Variants in PLCE1 observed in about 807,000 individuals in gnomAD.
PLCE1 encodes the protein 1-phosphatidylinositol 4,5-bisphosphate phosphodiesterase epsilon-1.
Under a neutral mutation model 242.8 loss-of-function variants are expected in PLCE1, and 119 were observed. The observed-to-expected ratio is 0.49, with a 90% CI of 0.42 to 0.57. The LOEUF (loss-of-function observed/expected upper bound fraction) is 0.57. Ranked by LOEUF, PLCE1 falls within the 20% of genes least tolerant of loss-of-function variation. PLCE1 has a pLI of 0.00. For synonymous variants in PLCE1, 945 were observed against 1,017.4 expected, an observed-to-expected ratio of 0.93 and a Z score of 1.35; for missense variants, 2,441 against 2,788.8, an observed-to-expected ratio of 0.88 and a Z score of 2.81.
chr10:94,311,629 C>T (rs1222292584), intron 27 of PLCE1, among the ~76,000 whole-genome samples: 1 of 152,172 alleles, frequency 6.6e-6, no homozygotes, highest in Admixed American at 6.5e-5. Context: ...TAGTATCTTT[C>T]AAATCCATTC....
intron 4 of PLCE1, among the ~76,000 whole-genome samples, chr10:94,175,046 C>T (rs2048089072): frequency 6.6e-6 from 1 of 152,072 alleles, no homozygotes; most frequent in Admixed American, 6.6e-5. Context: ...TCTAAAATTA[C>T]TTCAAAATAA....
chr10:94,243,197 G>A (rs1265603577), intron 7 of PLCE1, among the ~76,000 whole-genome samples: 1 of 152,100 alleles, frequency 6.6e-6, no homozygotes, highest in Non-Finnish European at 1.5e-5. Context: ...GATGTGATAA[G>A]AATGATACTT....
At chr10:94,294,909 CTTTTTTTTTTT>C (rs766555881) in intron 23 of PLCE1, among the ~76,000 whole-genome samples, 1 of 101,494 alleles carries the variant, frequency 9.9e-6, no homozygotes, top group African/African-American at 3.9e-5. Flanking sequence ...CATGATAGAA[CTTTTTTTTTTT>C]TTTTTTTTTT....
At chr10:94,145,635 C>G (rs1260201953) in intron 3 of PLCE1, among the ~76,000 whole-genome samples, 1 of 152,276 alleles carries the variant, frequency 6.6e-6, no homozygotes, top group South Asian at 2.1e-4. Context: ...CTAACCCCCA[C>G]AAGATGAGAC....
intron 15 of PLCE1, 35 bp from the exon 16 acceptor site, chr10:94,265,758 T>C: frequency 6.2e-7 from 1 of 1,613,682 alleles, no homozygotes; most frequent in Non-Finnish European, 8.5e-7. Flanking sequence ...GATGCATTTT[T>C]CCCATGCAGT....
intron 2 of PLCE1, among the ~76,000 whole-genome samples, chr10:94,034,847 T>G (rs774445541): frequency 1.8e-4 from 27 of 152,188 alleles, no homozygotes; most frequent in Non-Finnish European, 3.7e-4. Context: ...CTCTTTGCTT[T>G]TTGATCAGGA....
chr10:94,071,505 T>TG (rs1554848901), intron 2 of PLCE1, among the ~76,000 whole-genome samples: 1 of 132,566 alleles, frequency 7.5e-6, no homozygotes, highest in Non-Finnish European at 1.6e-5. Flanking sequence ...GTTTTTTTTT[T>TG]TTTTTTTTTT....
chr10:94,021,345 G>C (rs191122359), intron 1 of PLCE1, among the ~76,000 whole-genome samples: 2 of 150,804 alleles, frequency 1.3e-5, no homozygotes, highest in African/African-American at 4.9e-5. Context: ...TGTATCCCAA[G>C]GTCTTGAATA....
In PLCE1 at chr10:94,139,406, A is replaced by G. The variant is rs79800915; in HGVS notation, c.1492+6947A>G. The G allele has an allele frequency of 3.0e-3, 500 of 164,960 alleles. 4 individuals carry two copies. Among genetic ancestry groups the G allele is most frequent in the Non-Finnish European group, 4.0e-3 (285 of 70,486 alleles). 10.2% of individuals were successfully genotyped at this position (164,960 alleles called of 1,614,324 possible). ...AAAAAGCCAAGTGGGTCTAAACAGGATGAAAGAGAGAAAGACCCAGAAGAG... is the reference window on the plus strand; with the variant it reads ...AAAAAGCCAAGTGGGTCTAAACAGGGTGAAAGAGAGAAAGACCCAGAAGAG... On this transcript the variant is annotated intron_variant, in intron 3 of 32. Coordinates refer to ENST00000371380, the MANE Select transcript of PLCE1 (RefSeq NM_016341.4).
At chr10:94,253,601 T>G (rs2050959213) in intron 9 of PLCE1, among the ~76,000 whole-genome samples, 1 of 152,106 alleles carries the variant, frequency 6.6e-6, no homozygotes. Flanking sequence ...GTAATCCTAT[T>G]GTCTCAGCCT....
chr10:94,173,765 A>G (rs1296156142), intron 4 of PLCE1, among the ~76,000 whole-genome samples: 3 of 152,200 alleles, frequency 2.0e-5, no homozygotes, highest in African/African-American at 7.2e-5. Context: ...CAGAACGTAA[A>G]CAAGATTTCT....
intron 3 of PLCE1, among the ~76,000 whole-genome samples, chr10:94,170,267 C>T (rs745859181): frequency 6.6e-6 from 1 of 151,700 alleles, no homozygotes; most frequent in Non-Finnish European, 1.5e-5. Flanking sequence ...CTTGTAAATG[C>T]CAGTATTCCA....
At chr10:94,092,229 T>C (rs1423266753) in intron 2 of PLCE1, among the ~76,000 whole-genome samples, 3 of 152,264 alleles carry the variant, frequency 2.0e-5, no homozygotes, top group Admixed American at 2.0e-4. Flanking sequence ...AAACACAAAA[T>C]ATGACAGGAT....
intron 2 of PLCE1, among the ~76,000 whole-genome samples, chr10:94,066,881 C>A (rs966357023): frequency 6.6e-6 from 1 of 152,234 alleles, no homozygotes; most frequent in Non-Finnish European, 1.5e-5. Context: ...CCCATACCCA[C>A]AATGGTATTC....
At position 94,263,182 on chromosome 10, in the gene PLCE1, G is replaced by GT. The variant is rs199605955; in HGVS notation, c.4053+457dup. Among the ~76,000 whole-genome samples, 176 of 151,184 alleles carry GT rather than the reference G, an allele frequency of 1.2e-3. 1 individual carries two copies. Among genetic ancestry groups the GT allele is most frequent in the East Asian group, 0.011 (53 of 5,000 alleles). ...ACTGCGCCCGACCTTGTTTTGTTTT[G>GT]TTTTTTTAACAAAATACCAAGTATG... On this transcript the variant is annotated intron_variant, in intron 14 of 32. Coordinates refer to ENST00000371380, the MANE Select transcript of PLCE1 (RefSeq NM_016341.4).
rs1564873908 is a variant in PLCE1, at chr10:94,298,381, TC to T, written c.5172del (p.Cys1725ValfsTer36). ...ASFNKTSGKS[S>X]CEGIRQTWEE... Reference sequence around the variant, plus strand: ...GGCTAATTTCTTGGGGGGTTTAGGTTCCTGTGAAGGCATTCGACAGACCTGG... The same window carrying T: ...GGCTAATTTCTTGGGGGGTTTAGGTTCTGTGAAGGCATTCGACAGACCTGG... On this transcript the variant is annotated frameshift_variant, in exon 24 of 33. Transcript: ENST00000371380. LOFTEE classifies it high-confidence loss of function. The surrounding 1 kb of genome is among the most constrained non-coding windows in gnomAD (Gnocchi z 5.2). The T allele has an allele frequency of 6.2e-7, 1 of 1,613,990 alleles. No homozygotes were observed. Among genetic ancestry groups the T allele is most frequent in the Admixed American group, 1.7e-5 (1 of 60,002 alleles).
intron 4 of PLCE1, among the ~76,000 whole-genome samples, chr10:94,202,421 T>G (rs548443960): frequency 9.2e-5 from 14 of 152,216 alleles, no homozygotes; most frequent in African/African-American, 2.9e-4. Flanking sequence ...GTTTTTACAT[T>G]CAGACCCAGA....
intron 2 of PLCE1, among the ~76,000 whole-genome samples, chr10:94,129,567 C>T (rs1406618280): frequency 2.6e-5 from 4 of 152,090 alleles, no homozygotes; most frequent in African/African-American, 9.7e-5. Flanking sequence ...CACTGGGAGT[C>T]TATGGAGGCC....
chr10:94,296,876 C>A lies in PLCE1; in HGVS notation c.5168-1503C>A, dbSNP rs367636254. Among the ~76,000 whole-genome samples the A allele has an allele frequency of 4.2e-3, 637 of 151,868 alleles. 3 individuals carry two copies. Among genetic ancestry groups the A allele is most frequent in the African/African-American group, 0.012 (482 of 41,446 alleles). The stretch of plus-strand genomic sequence containing the variant: ...ATTATTTCTAGCTTTTTATTTCTTT[C>A]TTTCTTTTTTTTTTTGAGGCAGAGT... On this transcript the variant is annotated intron_variant, in intron 23 of 32. Coordinates refer to ENST00000371380, the MANE Select transcript of PLCE1 (RefSeq NM_016341.4).
Sources: allele counts gnomAD v4.1 joint callset (sites outside exome capture counted in the v4.1 genomes callset), GRCh38; gene constraint gnomAD v4.1.1; non-coding constraint Gnocchi (gnomAD v3.1); transcripts MANE v1.5; gene names NCBI Gene and HGNC (gene_info 2026-07-23, HGNC 2026-07-21).